Variants in FAM200C observed in about 807,000 individuals in gnomAD.
the FAM200C span, chr5:160,393,549 T>A: frequency 1.6e-6 from 1 of 637,886 alleles, no homozygotes; most frequent in Non-Finnish European, 2.7e-6. Context: ...GTGTTTTTAT[T>A]CTCAAAACAT....
chr5:160,398,309 G>T, the FAM200C span, among the ~76,000 whole-genome samples: 1 of 152,172 alleles, frequency 6.6e-6, no homozygotes, highest in Non-Finnish European at 1.5e-5. Flanking sequence ...CAGCACTTTG[G>T]GAGGCCGAGG....
the FAM200C span, chr5:160,397,578 A>G: frequency 6.6e-6 from 1 of 152,236 alleles, no homozygotes; most frequent in African/African-American, 2.4e-5. Context: ...TAAAAGAAAA[A>G]TCACAAGCCA....
the FAM200C span, chr5:160,394,593 A>C: frequency 6.2e-7 from 1 of 1,614,168 alleles, no homozygotes; most frequent in South Asian, 1.1e-5. Flanking sequence ...CCTTTGATGA[A>C]ATTTATTACC....
At chr5:160,393,662 A>C in the FAM200C span, 1 of 1,294,300 alleles carries the variant, frequency 7.7e-7, no homozygotes, top group Non-Finnish European at 1.1e-6. Flanking sequence ...TTAATTTTAC[A>C]ATGATATTAA....
chr5:160,394,824 A>G, the FAM200C span: 1 of 1,613,940 alleles, frequency 6.2e-7, no homozygotes, highest in Admixed American at 1.7e-5. Flanking sequence ...AAGTCTCTGA[A>G]GAGATTGAAC....
chr5:160,395,779 C>G, the FAM200C span, among the ~76,000 whole-genome samples: 1 of 152,154 alleles, frequency 6.6e-6, no homozygotes, highest in Non-Finnish European at 1.5e-5. Context: ...TTATGAACAC[C>G]TGTAAGTCCT....
At chr5:160,398,775 C>T in the FAM200C span, among the ~76,000 whole-genome samples, 4 of 152,294 alleles carry the variant, frequency 2.6e-5, no homozygotes, top group African/African-American at 9.6e-5. Context: ...TAGAACCTCA[C>T]AATTTGCACT....
At chr5:160,399,989 C>A in the FAM200C span, 1 of 152,332 alleles carries the variant, frequency 6.6e-6, no homozygotes, top group Non-Finnish European at 1.5e-5. Context: ...CTGCGGTGCG[C>A]CTGGAGAGAG....
chr5:160,398,173 C>A, the FAM200C span, among the ~76,000 whole-genome samples: 1 of 152,052 alleles, frequency 6.6e-6, no homozygotes, highest in Non-Finnish European at 1.5e-5. Context: ...ACCCAGGGGG[C>A]AGAGGTTGCT....
chr5:160,396,470 G>A, the FAM200C span, among the ~76,000 whole-genome samples: 4 of 151,994 alleles, frequency 2.6e-5, no homozygotes, highest in East Asian at 7.7e-4. Flanking sequence ...AAGCAAAATG[G>A]TCGGGCGTGG....
At chr5:160,394,731 C>T in the FAM200C span, 27 of 1,614,122 alleles carry the variant, frequency 1.7e-5, no homozygotes, top group African/African-American at 1.7e-4. Flanking sequence ...GCAACAAACT[C>T]GGAATTTTCT....
chr5:160,395,616 T>C, the FAM200C span: 1 of 764,008 alleles, frequency 1.3e-6, no homozygotes, highest in Non-Finnish European at 2.3e-6. Flanking sequence ...TCACATGCTA[T>C]CTTGTATATG....
chr5:160,395,065 T>C, the FAM200C span: 1 of 1,614,100 alleles, frequency 6.2e-7, no homozygotes, highest in South Asian at 1.1e-5. Context: ...TCACATCATC[T>C]GATAAGGGTA....
At chr5:160,395,516 T>G in the FAM200C span, 1 of 1,583,270 alleles carries the variant, frequency 6.3e-7, no homozygotes, top group Non-Finnish European at 8.7e-7. Context: ...TCAGGTAGTA[T>G]TCCAGAGATG....
chr5:160,398,617 T>C, the FAM200C span, among the ~76,000 whole-genome samples: 1 of 152,112 alleles, frequency 6.6e-6, no homozygotes, highest in Non-Finnish European at 1.5e-5. Flanking sequence ...CTCTCAAGTA[T>C]ATTTTAATTT....
chr5:160,394,370 AGGTGAAT>A, the FAM200C span: 3 of 1,613,780 alleles, frequency 1.9e-6, no homozygotes, highest in Non-Finnish European at 2.5e-6. Context: ...AAGGTATGCT[AGGTGAAT>A]TTTAAACTCT....
the FAM200C span, among the ~76,000 whole-genome samples, chr5:160,398,870 A>C: frequency 6.6e-6 from 1 of 152,238 alleles, no homozygotes; most frequent in Non-Finnish European, 1.5e-5. Context: ...ATTGTTAAAC[A>C]GGCATGATAA....
the FAM200C span, chr5:160,395,633 T>C: frequency 1.4e-6 from 1 of 704,918 alleles, no homozygotes; most frequent in South Asian, 1.7e-5. Flanking sequence ...TATGTCAAGA[T>C]ACAGCCTGCA....
the FAM200C span, chr5:160,395,438 C>G: frequency 6.2e-7 from 1 of 1,614,026 alleles, no homozygotes; most frequent in African/African-American, 1.3e-5. Context: ...TTCCGTTGTA[C>G]AGGTGAACCA....
Sources: allele counts gnomAD v4.1 joint callset (sites outside exome capture counted in the v4.1 genomes callset), GRCh38; gene constraint gnomAD v4.1.1; transcripts MANE v1.5.